The following RPLP0 variants were observed in gnomAD, a reference collection of about 807,000 sequenced individuals.
RPLP0 encodes the protein ribosomal protein lateral stalk subunit P0.
For synonymous variants in RPLP0, 137 were observed against 153.4 expected (o/e 0.89, Z 0.79); for missense variants, 276 against 402.9 (o/e 0.69, Z 2.70).
At position 120,196,886 on chromosome 12, in the gene RPLP0, C is replaced by G. The variant is rs774570722; in HGVS notation, c.841G>C (p.Val281Leu). 1.1e-5 allele frequency: 18 copies of G among 1,609,612 alleles called. No individual in the cohort carries two copies. Among genetic ancestry groups the G allele is most frequent in the Non-Finnish European group, 1.5e-5 (18 of 1,177,910 alleles). Reference protein sequence around the residue: ...DPSAFVAAAPVAAATTAAPAA... With the variant: ...DPSAFVAAAPLAAATTAAPAA... ...GGAGCAGCTGTGGTGGCAGCAGCCACAGGGGCAGCAGCCACAAAGGCAGAT... is the reference window on the plus strand; with the variant it reads ...GGAGCAGCTGTGGTGGCAGCAGCCAGAGGGGCAGCAGCCACAAAGGCAGAT... Residue 281 changes from valine to leucine, a missense_variant, in exon 8 of 8, where the codon GTG becomes CTG. Physicochemically the swap from Val to Leu is conservative, Grantham distance 32. Coordinates refer to ENST00000392514, the MANE Select transcript of RPLP0 (RefSeq NM_001002.4).
At chr12:120,199,628 T>C (rs375983512) in intron 2 of RPLP0, 143 bp from the exon 3 acceptor site, 7 of 789,334 alleles carry the variant, frequency 8.9e-6, no homozygotes, top group Admixed American at 5.5e-5. Context: ...GGGAGCTACG[T>C]TGTAACACTG....
Position 120,201,080 on chromosome 12 carries a change from A to T in RPLP0, c.-49+3T>A. 1 of 383,522 alleles carries T rather than the reference A, an allele frequency of 2.6e-6. No homozygotes were observed. The highest frequency in any genetic ancestry group is 4.7e-6 in the Non-Finnish European group (1 of 213,520). 23.8% of individuals were successfully genotyped at this position (383,522 alleles called of 1,614,324 possible). A position where few individuals can be genotyped will look rare whatever the true frequency, so the allele number is the denominator to read the frequency against. ...CTGGCGCCCATCTAACTAGCACACG[A>T]ACCTTCCACGAGGACGCCTGGCGAG... On this transcript the variant is annotated splice_donor_region_variant and intron_variant, in intron 1 of 7. Coordinates refer to ENST00000392514, the MANE Select transcript of RPLP0 (RefSeq NM_001002.4).
Position 120,199,522 on chromosome 12 carries a change from G to T in RPLP0, c.55-37C>A, listed in dbSNP as rs371432913. On this transcript the variant is annotated intron_variant, in intron 2 of 7. Coordinates refer to ENST00000392514, the MANE Select transcript of RPLP0 (RefSeq NM_001002.4). ...AAGCCAGAGGAGCCAAGTTTAACAGGAAGAGAGAGGGAAAAAATGCCAGAA... is the reference window on the plus strand; with the variant it reads ...AAGCCAGAGGAGCCAAGTTTAACAGTAAGAGAGAGGGAAAAAATGCCAGAA... 26 of 1,592,316 alleles carry T rather than the reference G, an allele frequency of 1.6e-5. No individual in the cohort carries two copies. In the African/African-American group the frequency reaches 2.1e-4, roughly 13 times the overall value.
In RPLP0 at chr12:120,199,356, G is replaced by A; in HGVS notation, c.184C>T (p.Arg62Cys). ...TCCAGGTGCCCTCGGATGGCCTTGC[G>A]CATCATGGTGTTCTTGCCCATCAGC... is the stretch of plus-strand genomic sequence containing the variant. ...VVLMGKNTMM[R>C]KAIRGHLENN... The change falls in exon 3 of 8, where the codon CGC becomes TGC. Residue 62 changes from arginine to cysteine, a missense_variant. Physicochemically the swap from Arg to Cys is radical, Grantham distance 180. Coordinates refer to ENST00000392514, the MANE Select transcript of RPLP0 (RefSeq NM_001002.4). 1.2e-6 allele frequency: 2 copies of A among 1,614,152 alleles called. No individual in the cohort carries two copies. Among genetic ancestry groups the A allele is most frequent in the Middle Eastern group, 1.6e-4 (1 of 6,062 alleles).
intron 2 of RPLP0, 166 bp downstream of exon 2, chr12:120,200,564 T>A: frequency 1.4e-6 from 1 of 692,880 alleles, no homozygotes; most frequent in Admixed American, 2.9e-5. Context: ...CCCGTTTATC[T>A]GCAACAGAAG....
At chr12:120,199,556 A>G (rs1879324167) in intron 2 of RPLP0, 71 bp from the exon 3 acceptor site, 1 of 1,481,044 alleles carries the variant, frequency 6.8e-7, no homozygotes, top group Non-Finnish European at 9.1e-7. Flanking sequence ...AAGAAACTGA[A>G]CCCCACAATT....
At chr12:120,197,506 A>AATCCAAGT (rs200853016) in intron 6 of RPLP0, 44 bp from the exon 7 acceptor site, 59,048 of 1,603,038 alleles carry the variant, frequency 0.037, 1,250 homozygotes, top group Non-Finnish European at 0.044. Flanking sequence ...TCCCTACAGG[A>AATCCAAGT]AAGGAAGTCC....
chr12:120,197,525 G>A (rs752061964), intron 6 of RPLP0, 63 bp from the exon 7 acceptor site: 2 of 1,572,168 alleles, frequency 1.3e-6, no homozygotes, highest in East Asian at 4.6e-5. Context: ...CCAAGTAAGG[G>A]TGAATAAAGA....
intron 2 of RPLP0, 25 bp from the exon 3 acceptor site, chr12:120,199,510 C>A (rs185553013): frequency 2.5e-6 from 4 of 1,607,074 alleles, no homozygotes. Context: ...CCAGAGGAGC[C>A]AAGTTTAACA....
In RPLP0 at chr12:120,198,394, A is replaced by AG. The variant is rs1191531372; in HGVS notation, c.651+159_651+160insC. The AG allele has an allele frequency of 2.1e-5, 17 of 826,086 alleles. No homozygotes were observed. Among genetic ancestry groups the AG allele is most frequent in the Admixed American group, 8.4e-5 (3 of 35,842 alleles). 51.2% of individuals were successfully genotyped at this position (826,086 alleles called of 1,614,324 possible). Reference sequence around the variant, plus strand: ...CAGCAAGACTCTGTCTCCAAAAAAAAAAAAAAAAAATCCTTCAACAATCTT... The same window carrying AG: ...CAGCAAGACTCTGTCTCCAAAAAAAAGAAAAAAAAAATCCTTCAACAATCTT... On this transcript the variant is annotated intron_variant, in intron 6 of 7. Coordinates refer to ENST00000392514, the MANE Select transcript of RPLP0 (RefSeq NM_001002.4). This position sits in a 1 kb window ranked among gnomAD's most constrained non-coding sequence, Gnocchi z 4.1.
At chr12:120,197,137 T>C (rs1274630226) in intron 7 of RPLP0, 185 bp downstream of exon 7, 2 of 1,019,336 alleles carry the variant, frequency 2.0e-6, no homozygotes, top group Non-Finnish European at 2.9e-6. Context: ...ATTAACCCCC[T>C]CTTTGGGTCT....
intron 2 of RPLP0, chr12:120,200,365 A>T (rs1312375819): frequency 3.1e-6 from 1 of 325,456 alleles, no homozygotes; most frequent in Non-Finnish European, 6.0e-6. Flanking sequence ...CGGGAGGCTG[A>T]AGCAGGAGAA....
chr12:120,199,600 T>G, intron 2 of RPLP0, 115 bp from the exon 3 acceptor site: 1 of 1,137,332 alleles, frequency 8.8e-7, no homozygotes, highest in Admixed American at 2.3e-5. Context: ...TCTAAGCTTT[T>G]GAAGTCAGAG....
intron 1 of RPLP0, 75 bp downstream of exon 1, chr12:120,201,008 T>G: frequency 1.6e-6 from 1 of 626,644 alleles, no homozygotes; most frequent in Non-Finnish European, 2.5e-6. Flanking sequence ...GGACTCCATG[T>G]TCCCAAAGGC....
chr12:120,199,899 G>C (rs1315290038), intron 2 of RPLP0: 1 of 398,386 alleles, frequency 2.5e-6, no homozygotes, highest in African/African-American at 2.1e-5. Context: ...ATCTAGGCGT[G>C]TTTATCCGGA....
chr12:120,197,103 G>T, intron 7 of RPLP0, 169 bp from the exon 8 acceptor site: 1 of 1,210,918 alleles, frequency 8.3e-7, no homozygotes, highest in Non-Finnish European at 1.2e-6. Context: ...GTGAGGCAGG[G>T]TTCCTAAGGC....
In RPLP0 at chr12:120,198,399, A is replaced by AAAG. The variant is rs1450618502; in HGVS notation, c.651+154_651+155insCTT. ...AGACTCTGTCTCCAAAAAAAAAAAA[A>AAAG]AAAAATCCTTCAACAATCTTATGTT... On this transcript the variant is annotated intron_variant, in intron 6 of 7. Transcript: ENST00000392514. The surrounding 1 kb of genome is among the most constrained non-coding windows in gnomAD (Gnocchi z 4.1). 1 of 857,520 alleles carries AAAG rather than the reference A, an allele frequency of 1.2e-6. No individual in the cohort carries two copies. Among genetic ancestry groups the AAAG allele is most frequent in the African/African-American group, 1.7e-5 (1 of 57,976 alleles). The allele number at this position is 857,520 out of a possible 1,614,324, so 53.1% of individuals were successfully genotyped here. A position where few individuals can be genotyped will look rare whatever the true frequency, so the allele number is the denominator to read the frequency against.
Position 120,198,490 on chromosome 12 carries a change from C to T in RPLP0, c.651+64G>A. The T allele has an allele frequency of 6.4e-7, 1 of 1,571,972 alleles. No homozygotes were observed. Among genetic ancestry groups the T allele is most frequent in the South Asian group, 1.1e-5 (1 of 89,632 alleles). ...AACACAGTCCTTGGTTACAGGGACT[C>T]AGTCTGAACCTTGTCATGCTCTCAA... On this transcript the variant is annotated intron_variant, in intron 6 of 7. Transcript: ENST00000392514. This position sits in a 1 kb window ranked among gnomAD's most constrained non-coding sequence, Gnocchi z 4.1.
chr12:120,197,391 G>T lies in RPLP0; in HGVS notation c.723C>A (p.Ile241=), dbSNP rs761952885. 3 of 1,613,650 alleles carry T rather than the reference G, an allele frequency of 1.9e-6. No individual in the cohort carries two copies. Among genetic ancestry groups the T allele is most frequent in the South Asian group, 1.1e-5 (1 of 91,074 alleles). ...YPTVASVPHS[I]INGYKRVLAL... is the part of the protein sequence containing the mutation. ...CCAGGACTCGTTTGTACCCGTTGAT[G>T]ATAGAATGGGGTACTGATGCAACAG... Residue 241 remains isoleucine (I), a synonymous_variant, in exon 7 of 8, where the codon ATC becomes ATA. Transcript: ENST00000392514.
Sources: gnomAD v4.1 joint callset for allele counts on GRCh38, gnomAD v4.1.1 for gene constraint, Gnocchi (gnomAD v3.1) non-coding constraint, MANE v1.5 for transcripts, NCBI Gene and HGNC (gene_info 2026-07-23, HGNC 2026-07-21) for gene names.